Variants in PLXNC1 observed in about 807,000 individuals in gnomAD.
PLXNC1 encodes the protein plexin-C1.
A neutral mutation model predicts 178.2 loss-of-function variants in PLXNC1; 75 were observed. That is an observed-to-expected ratio of 0.42 (90% CI 0.35 to 0.51). The LOEUF (loss-of-function observed/expected upper bound fraction) is 0.51, where lower values mean the gene tolerates loss of function less well. Among genes scored for constraint, PLXNC1 ranks in the 20% least tolerant of loss-of-function variants. The pLI is 0.02. For synonymous variants in PLXNC1, 790 were observed against 779.9 expected, an observed-to-expected ratio of 1.01 and a Z score of -0.22; for missense variants, 1,503 against 1,984.4, an observed-to-expected ratio of 0.76 and a Z score of 4.61.
chr12:94,259,904 A>C (rs913181117), intron 19 of PLXNC1, among the ~76,000 whole-genome samples, 170 bp downstream of exon 19: 8 of 152,090 alleles, frequency 5.3e-5, no homozygotes, highest in Non-Finnish European at 1.0e-4. Flanking sequence ...CTCTACAAAA[A>C]AAAAAAAAAA....
intron 9 of PLXNC1, among the ~76,000 whole-genome samples, chr12:94,232,133 G>A (rs934237116): frequency 5.3e-5 from 8 of 151,906 alleles, no homozygotes; most frequent in African/African-American, 1.9e-4. Context: ...GTTGCCCAGG[G>A]TGGAGTGCAG....
intron 26 of PLXNC1, 135 bp downstream of exon 26, chr12:94,297,558 G>T: frequency 1.6e-6 from 1 of 641,566 alleles, no homozygotes. Flanking sequence ...AGTTTAAATT[G>T]TAAACACTTC....
chr12:94,298,337 C>A (rs1251475243), intron 26 of PLXNC1, among the ~76,000 whole-genome samples: 1 of 152,174 alleles, frequency 6.6e-6, no homozygotes, highest in Non-Finnish European at 1.5e-5. Flanking sequence ...ATGTAAACAG[C>A]CCTACAACTG....
At position 94,176,640 on chromosome 12, in the gene PLXNC1, A is replaced by C. The variant is rs527724068; in HGVS notation, c.1204-4806A>C. Among the ~76,000 whole-genome samples, 6 of 152,338 alleles carry C rather than the reference A, an allele frequency of 3.9e-5. No individual in the cohort carries two copies. The East Asian group carries it at 1.2e-3, about 29-fold the overall frequency. On this transcript the variant is annotated intron_variant, in intron 2 of 30. Transcript: ENST00000258526. The stretch of plus-strand genomic sequence containing the variant: ...AATACAATGATATTGTTTAAAACTC[A>C]AAAGAACCAAGAAAATATTCCGTGA...
chr12:94,163,910 T>C (rs1250094720), intron 1 of PLXNC1, among the ~76,000 whole-genome samples: 1 of 152,196 alleles, frequency 6.6e-6, no homozygotes, highest in East Asian at 1.9e-4. Context: ...CAAATAGTTG[T>C]CCTTTCCATC....
intron 6 of PLXNC1, among the ~76,000 whole-genome samples, chr12:94,223,100 T>G (rs771443659): frequency 3.3e-5 from 5 of 152,168 alleles, no homozygotes; most frequent in Non-Finnish European, 7.4e-5. Flanking sequence ...CTTCTTATTT[T>G]GTCAAGACTT....
At chr12:94,276,443 C>T (rs1013133659) in intron 21 of PLXNC1, among the ~76,000 whole-genome samples, 1 of 116,140 alleles carries the variant, frequency 8.6e-6, no homozygotes, top group East Asian at 2.6e-4. Flanking sequence ...TCTGGAGGGT[C>T]AGGAGGGCTC....
At position 94,259,330 on chromosome 12, in the gene PLXNC1, C is replaced by A; in HGVS notation, c.3088-7C>A. ...TATGAATAATAAAAGTGTCTCCTTCCTCTCAGTCAGGTGGCTTCACCCACA... is the reference window on the plus strand; with the variant it reads ...TATGAATAATAAAAGTGTCTCCTTCATCTCAGTCAGGTGGCTTCACCCACA... On this transcript the variant is annotated splice_region_variant and splice_polypyrimidine_tract_variant and intron_variant, in intron 17 of 30. Coordinates refer to ENST00000258526, the MANE Select transcript of PLXNC1 (RefSeq NM_005761.3). 6.3e-7 allele frequency: 1 copy of A among 1,586,384 alleles called. No individual in the cohort carries two copies. The highest frequency in any genetic ancestry group is 1.2e-5 in the South Asian group (1 of 86,812).
intron 5 of PLXNC1, 118 bp downstream of exon 5, chr12:94,209,822 T>C: frequency 1.5e-6 from 1 of 646,380 alleles, no homozygotes; most frequent in Non-Finnish European, 2.8e-6. Flanking sequence ...GTGATAGCAC[T>C]CCATTCATTT....
At chr12:94,199,855 A>T (rs1963054634) in intron 4 of PLXNC1, among the ~76,000 whole-genome samples, 1 of 152,176 alleles carries the variant, frequency 6.6e-6, no homozygotes, top group African/African-American at 2.4e-5. Flanking sequence ...CAATGGCACA[A>T]TCTCGGCTCA....
chr12:94,283,554 C>T (rs832501), intron 23 of PLXNC1, among the ~76,000 whole-genome samples: 70,875 of 151,974 alleles, frequency 0.47, 16,613 homozygotes, highest in African/African-American at 0.54. Context: ...GTACGGGAGA[C>T]GGGAGTTTTA....
chr12:94,280,921 C>G (rs1220532344), intron 22 of PLXNC1, among the ~76,000 whole-genome samples: 1 of 152,234 alleles, frequency 6.6e-6, no homozygotes, highest in East Asian at 1.9e-4. Flanking sequence ...TCAGCTATGT[C>G]AGGCTTCTGT....
At chr12:94,225,138 G>T (rs1226132064) in intron 7 of PLXNC1, among the ~76,000 whole-genome samples, 1 of 152,148 alleles carries the variant, frequency 6.6e-6, no homozygotes, top group African/African-American at 2.4e-5. Flanking sequence ...TTCTAAAGCA[G>T]CAAGAGGACA....
At chr12:94,199,782 G>T (rs547097105) in intron 4 of PLXNC1, among the ~76,000 whole-genome samples, 1 of 152,282 alleles carries the variant, frequency 6.6e-6, no homozygotes, top group East Asian at 1.9e-4. Flanking sequence ...TTTTTTGTTT[G>T]TTTGTTTGTT....
At chr12:94,168,185 T>A in intron 1 of PLXNC1, 1 of 152,210 alleles carries the variant, frequency 6.6e-6, no homozygotes, top group East Asian at 1.9e-4. Flanking sequence ...TTTAAAAACC[T>A]TAGTACAGTT....
At position 94,220,579 on chromosome 12, in the gene PLXNC1, A is replaced by G. The variant is rs188308613; in HGVS notation, c.1702+416A>G. 3.0e-3 allele frequency among the ~76,000 whole-genome samples: 461 copies of G among 152,316 alleles called. 1 individual carries two copies. The highest frequency in any genetic ancestry group is 0.011 in the African/African-American group (443 of 41,562). ...TCCAGGAAGTATTTACTGAACATCT[A>G]CTATATGTGAGGCACTATGCTAGGT... On this transcript the variant is annotated intron_variant, in intron 6 of 30. Transcript: ENST00000258526.
At chr12:94,304,621 A>G (rs1162884671) in intron 30 of PLXNC1, among the ~76,000 whole-genome samples, 1 of 152,048 alleles carries the variant, frequency 6.6e-6, no homozygotes, top group African/African-American at 2.4e-5. Context: ...GGGACAGGCT[A>G]TCCATGTCAA....
intron 23 of PLXNC1, among the ~76,000 whole-genome samples, chr12:94,293,773 T>G (rs935337882): frequency 2.0e-5 from 3 of 152,132 alleles, no homozygotes; most frequent in African/African-American, 7.2e-5. Context: ...TGTGCACCAA[T>G]GCGCCCAGAT....
At chr12:94,169,384 A>G (rs1299947103) in intron 2 of PLXNC1, 91 bp downstream of exon 2, 3 of 1,115,140 alleles carry the variant, frequency 2.7e-6, no homozygotes, top group Non-Finnish European at 2.6e-6. Flanking sequence ...TGGGTTATAC[A>G]TGAGACCAAA....
Sources: gnomAD v4.1 joint callset for allele counts (sites outside exome capture counted in the v4.1 genomes callset) on GRCh38, gnomAD v4.1.1 for gene constraint, MANE v1.5 for transcripts, NCBI Gene and HGNC (gene_info 2026-07-23, HGNC 2026-07-21) for gene names.